Variants in SALL1 observed in about 807,000 individuals in gnomAD.
SALL1 encodes the protein spalt like transcription factor 1.
In SALL1, 10 loss-of-function variants were observed where a neutral mutation model predicts 73.1. The observed-to-expected ratio is 0.14, with a 90% CI of 0.08 to 0.23. The LOEUF (loss-of-function observed/expected upper bound fraction) is 0.23. Among genes scored for constraint, SALL1 ranks in the 10% least tolerant of loss-of-function variants. The pLI, the probability that SALL1 is intolerant of heterozygous loss-of-function variation, is 1.00. For missense variants in SALL1, 1,520 were observed against 1,697.3 expected (o/e 0.90, Z 1.84); for synonymous variants, 688 against 689.8 (o/e 1.00, Z 0.04).
chr16:51,136,167 T>C lies in SALL1; in HGVS notation c.*945A>G, dbSNP rs930198714. 2.0e-5 allele frequency: 3 copies of C among 152,634 alleles called. No homozygotes were observed. The highest frequency in any genetic ancestry group is 4.4e-5 in the Non-Finnish European group (3 of 68,036). 9.5% of individuals were successfully genotyped at this position (152,634 alleles called of 1,614,324 possible). On this transcript the variant is annotated 3_prime_UTR_variant, in exon 3 of 3. Transcript: ENST00000251020. ...CCTAAGACAAAATAAACAAACACTA[T>C]ACCTGCTCTCTTGATCAAGAAGAAG...
chr16:51,137,535 G>A lies in SALL1; in HGVS notation c.3552C>T (p.His1184=), dbSNP rs2143432165. 6.2e-7 allele frequency: 1 copy of A among 1,613,458 alleles called. No individual in the cohort carries two copies. The highest frequency in any genetic ancestry group is 8.5e-7 in the Non-Finnish European group (1 of 1,179,828). ...KGNLKVHMGT[H]MWNSTPARRG... ...GTCGTGCAGGGGTGCTATTCCACAT[G>A]TGAGTGCCCATGTGTACCTGAGATA... is the stretch of plus-strand genomic sequence containing the variant. The change falls in exon 3 of 3, where the codon CAC becomes CAT. Residue 1184 remains histidine (H), a synonymous_variant. Coordinates refer to ENST00000251020, the MANE Select transcript of SALL1 (RefSeq NM_002968.3).
Position 51,137,500 on chromosome 16 carries a change from C to T in SALL1, c.3587G>A (p.Arg1196Gln), listed in dbSNP as rs766159257. ...TGTCATGGGGCCATCCACAGAGAGC[C>T]GCCGACCCCGTCGTGCAGGGGTGCT... ...WNSTPARRGR[R>Q]LSVDGPMTFL... The change falls in exon 3 of 3, where the codon CGG becomes CAG. Residue 1196 changes from arginine (R) to glutamine (Q), a missense_variant. Transcript: ENST00000251020. 10 of 1,613,688 alleles carry T rather than the reference C, an allele frequency of 6.2e-6. 1 individual carries two copies. The highest frequency in any genetic ancestry group is 5.5e-5 in the South Asian group (5 of 91,046).
intron 1 of SALL1, among the ~76,000 whole-genome samples, chr16:51,148,446 A>T (rs1349314758): frequency 6.6e-6 from 1 of 152,286 alleles, no homozygotes; most frequent in Non-Finnish European, 1.5e-5. Context: ...TATTTCAAAG[A>T]CCATCTCAAG....
chr16:51,151,821 G>C (rs948304814), upstream of SALL1, among the ~76,000 whole-genome samples: 1 of 151,404 alleles, frequency 6.6e-6, no homozygotes, highest in East Asian at 2.0e-4. Flanking sequence ...CGGGTGGGGG[G>C]TGGGGCCGGG....
At chr16:51,151,759 C>G (rs1433264348), upstream of SALL1, among the ~76,000 whole-genome samples, 1 of 151,176 alleles carries the variant, frequency 6.6e-6, no homozygotes, top group Non-Finnish European at 1.5e-5. Context: ...CCCCCACAAT[C>G]CCGGGCTGGG....
intron 1 of SALL1, among the ~76,000 whole-genome samples, chr16:51,144,793 T>C (rs1481594348): frequency 6.6e-6 from 1 of 152,164 alleles, no homozygotes; most frequent in Non-Finnish European, 1.5e-5. Context: ...AGGATTGTGC[T>C]AACTGGATGG....
Position 51,140,610 on chromosome 16 carries a change from C to G in SALL1, c.1612G>C (p.Val538Leu), listed in dbSNP as rs1379635769. Residue 538 changes from valine (V) to leucine (L), a missense_variant, in exon 2 of 3, where the codon GTC becomes CTC. Around this residue, in one of 7 missense-constraint regions of SALL1, gnomAD observed 276 missense variants for 259.1 expected, o/e 1.07. Transcript: ENST00000251020. The surrounding 1 kb of genome is among the most constrained non-coding windows in gnomAD (Gnocchi z 5.7). The part of the protein sequence containing the change: ...YGMSIPPEKP[V>L]TSWLDTKPVL... ...GGTTTGGTGTCTAGCCAGCTGGTGA[C>G]TGGCTTCTCTGGAGGGATGGACATG... 1 of 1,614,064 alleles carries G rather than the reference C, an allele frequency of 6.2e-7. No individual in the cohort carries two copies. The highest frequency in any genetic ancestry group is 2.2e-5 in the East Asian group (1 of 44,856).
upstream of SALL1, among the ~76,000 whole-genome samples, chr16:51,151,629 C>T (rs1380267981): frequency 6.6e-6 from 1 of 151,370 alleles, no homozygotes; most frequent in Non-Finnish European, 1.5e-5. Context: ...TTTGCGACCG[C>T]CCGGGACTCC....
At chr16:51,150,601 C>G (rs1478452367) in intron 1 of SALL1, 1 of 985,614 alleles carries the variant, frequency 1.0e-6, no homozygotes, top group African/African-American at 1.7e-5. Context: ...TCCAAAGACA[C>G]CCGGTTCTGC....
intron 1 of SALL1, among the ~76,000 whole-genome samples, chr16:51,147,458 A>T (rs565387178): frequency 1.4e-3 from 212 of 151,732 alleles, no homozygotes; most frequent in Middle Eastern, 0.014. Flanking sequence ...GGTTTTTTTT[A>T]AAAAAAGCAA....
intron 1 of SALL1, among the ~76,000 whole-genome samples, chr16:51,147,780 A>AACACACAC (rs145285801): frequency 0.036 from 5,326 of 146,268 alleles, 167 homozygotes; most frequent in African/African-American, 0.086. Flanking sequence ...GAAGAACTCC[A>AACACACAC]ACACACACAC....
rs377449863 is a variant in SALL1 at position 51,140,845 on chromosome 16, C to A, written c.1377G>T (p.Gly459=). 7 of 1,614,240 alleles carry A rather than the reference C, an allele frequency of 4.3e-6. No individual in the cohort carries two copies. The highest frequency in any genetic ancestry group is 5.1e-6 in the Non-Finnish European group (6 of 1,180,046). The part of the protein sequence containing the change: ...HKCRFCAKVF[G]SDSALQIHLR... Reference sequence around the variant, plus strand: ...AGTGGATCTGCAAGGCACTGTCACTCCCAAAGACCTTCGCGCAGAACCTGC... The same window carrying A: ...AGTGGATCTGCAAGGCACTGTCACTACCAAAGACCTTCGCGCAGAACCTGC... The change falls in exon 2 of 3, where the codon GGG becomes GGT. Residue 459 remains glycine (G), a synonymous_variant. Coordinates refer to ENST00000251020, the MANE Select transcript of SALL1 (RefSeq NM_002968.3). The surrounding 1 kb of genome is among the most constrained non-coding windows in gnomAD (Gnocchi z 5.7).
At chr16:51,148,434 C>T (rs1962548815) in intron 1 of SALL1, among the ~76,000 whole-genome samples, 1 of 152,182 alleles carries the variant, frequency 6.6e-6, no homozygotes, top group South Asian at 2.1e-4. Context: ...TTTCATTTGT[C>T]ATATTTCAAA....
rs757759761 is a variant in SALL1, at chr16:51,141,272, G to A, written c.950C>T (p.Pro317Leu). The change falls in exon 2 of 3, where the codon CCC becomes CTC. Residue 317 changes from proline to leucine, a missense_variant. Coordinates refer to ENST00000251020, the MANE Select transcript of SALL1 (RefSeq NM_002968.3). The surrounding 1 kb of genome is among the most constrained non-coding windows in gnomAD (Gnocchi z 5.4). The stretch of plus-strand genomic sequence containing the variant: ...ACTGCTCTGAGGTAGCTGGATTGGG[G>A]GTAGCTGTTTCACACCACTAATGCT... ...SASISGVKQL[P>L]PIQLPQSSSG... 3 of 1,614,096 alleles carry A rather than the reference G, an allele frequency of 1.9e-6. No individual in the cohort carries two copies. Among genetic ancestry groups the A allele is most frequent in the Non-Finnish European group, 2.5e-6 (3 of 1,180,034 alleles).
At position 51,139,924 on chromosome 16, in the gene SALL1, A is replaced by ATGC. The variant is rs1424338246; in HGVS notation, c.2295_2297dup (p.Gln765dup). ...ACTTCTTCTGGCAGATGGGGCAGGA[A>ATGC]TGCTGGACTCTGAGCGGGGGCATAG... On this transcript the variant is annotated inframe_insertion, in exon 2 of 3. Transcript: ENST00000251020. 6.2e-7 allele frequency: 1 copy of ATGC among 1,614,178 alleles called. No individual in the cohort carries two copies. The highest frequency in any genetic ancestry group is 8.5e-7 in the Non-Finnish European group (1 of 1,180,032).
In SALL1 at chr16:51,145,182, A is replaced by G. The variant is rs545534057; in HGVS notation, c.77-3037T>C. Among the ~76,000 whole-genome samples, 9 of 141,732 alleles carry G rather than the reference A, an allele frequency of 6.4e-5. No individual in the cohort carries two copies. The South Asian group carries it at 2.2e-3, about 34-fold the overall frequency. 93.0% of individuals were successfully genotyped at this position (141,732 alleles called of 152,430 possible). A position where few individuals can be genotyped will look rare whatever the true frequency, so the allele number is the denominator to read the frequency against. On this transcript the variant is annotated intron_variant, in intron 1 of 2. Coordinates refer to ENST00000251020, the MANE Select transcript of SALL1 (RefSeq NM_002968.3). ...TTAATTTGTAGTAAGATACACACAC[A>G]CACATACACACACATTCTCTCTCTC... is the stretch of plus-strand genomic sequence containing the variant.
chr16:51,141,178 A>G lies in SALL1; in HGVS notation c.1044T>C (p.Val348=), dbSNP rs1270054648. The G allele has an allele frequency of 6.2e-7, 1 of 1,614,188 alleles. No homozygotes were observed. The highest frequency in any genetic ancestry group is 1.1e-5 in the South Asian group (1 of 91,084). The part of the protein sequence containing the change: ...SPNMNILAAA[V]TTPSSEKVAS... ...CCACTTTTTCAGAGGACGGGGTGGTAACTGCCGCTGCCAATATGTTCATAT... is the reference window on the plus strand; with the variant it reads ...CCACTTTTTCAGAGGACGGGGTGGTGACTGCCGCTGCCAATATGTTCATAT... The change falls in exon 2 of 3, where the codon GTT becomes GTC. Residue 348 remains valine, a synonymous_variant. Transcript: ENST00000251020. This position sits in a 1 kb window ranked among gnomAD's most constrained non-coding sequence, Gnocchi z 5.4.
intron 1 of SALL1, 154 bp downstream of exon 1, chr16:51,151,012 A>G: frequency 4.3e-6 from 2 of 460,236 alleles, no homozygotes; most frequent in Non-Finnish European, 3.8e-6. Context: ...GAAAATTAAA[A>G]AGAAAAAAAA....
In SALL1 at chr16:51,140,714, T is replaced by C; in HGVS notation, c.1508A>G (p.Tyr503Cys). The C allele has an allele frequency of 6.2e-7, 1 of 1,614,068 alleles. No homozygotes were observed. The highest frequency in any genetic ancestry group is 8.5e-7 in the Non-Finnish European group (1 of 1,180,006). Residue 503 changes from tyrosine to cysteine, a missense_variant, in exon 2 of 3, where the codon TAC becomes TGC. Around this residue, in one of 7 missense-constraint regions of SALL1, gnomAD observed 276 missense variants for 259.1 expected, o/e 1.07. Transcript: ENST00000251020. This position sits in a 1 kb window ranked among gnomAD's most constrained non-coding sequence, Gnocchi z 5.7. ...ATAGGGGTTCATCTGGATATGAGGGTATTTCTCTTTGTGGCGCTGAAAGTG... is the reference window on the plus strand; with the variant it reads ...ATAGGGGTTCATCTGGATATGAGGGCATTTCTCTTTGTGGCGCTGAAAGTG... ...KVHFQRHKEK[Y>C]PHIQMNPYPV...
Sources: gnomAD v4.1 joint callset for allele counts (sites outside exome capture counted in the v4.1 genomes callset) on GRCh38, gnomAD v4.1.1 for gene constraint, gnomAD v4.1.1 regional missense constraint, Gnocchi (gnomAD v3.1) non-coding constraint, MANE v1.5 for transcripts, NCBI Gene and HGNC (gene_info 2026-07-23, HGNC 2026-07-21) for gene names.